The following ARRDC4 variants were observed in gnomAD, a reference collection of about 807,000 sequenced individuals.
ARRDC4 encodes arrestin domain containing 4.
ARRDC4 carries 40 observed loss-of-function variants against 44.6 expected under a neutral mutation model. That is an observed-to-expected ratio of 0.90 (90% CI 0.70 to 1.17). The LOEUF (loss-of-function observed/expected upper bound fraction) is 1.17. Among genes scored for constraint, ARRDC4 ranks in the 50% most tolerant of loss-of-function variants. The pLI is 0.00. For synonymous variants in ARRDC4, 211 were observed against 221.2 expected, an observed-to-expected ratio of 0.95 and a Z score of 0.41; for missense variants, 550 against 559.1, an observed-to-expected ratio of 0.98 and a Z score of 0.16.
At chr15:97,961,266 A>C (rs181944279) in intron 1 of ARRDC4, 98 bp downstream of exon 1, 12 of 1,148,996 alleles carry the variant, frequency 1.0e-5, no homozygotes, top group Non-Finnish European at 1.0e-5. Flanking sequence ...CTGGCAGGTG[A>C]GATCAGGGCG....
Position 97,961,144 on chromosome 15 carries a change from C to A in ARRDC4, c.283C>A (p.Leu95Ile). The A allele has an allele frequency of 6.9e-7, 1 of 1,449,284 alleles. No homozygotes were observed. Among genetic ancestry groups the A allele is most frequent in the Non-Finnish European group, 9.0e-7 (1 of 1,110,800 alleles). The allele number at this position is 1,449,284 out of a possible 1,614,324, so 89.8% of individuals were successfully genotyped here. A position where few individuals can be genotyped will look rare whatever the true frequency, so the allele number is the denominator to read the frequency against. Reference sequence around the variant, plus strand: ...GGAGGTGGAGTACCTGAACGTGCGCCTCAGCCTGCGGGAGCCCCCGGCCGG... The same window carrying A: ...GGAGGTGGAGTACCTGAACGTGCGCATCAGCCTGCGGGAGCCCCCGGCCGG... The part of the protein sequence containing the change: ...FSEVEYLNVR[L>I]SLREPPAGEG... Residue 95 changes from leucine (L) to isoleucine (I), a missense_variant, in exon 1 of 8, where the codon CTC (leucine) becomes ATC (isoleucine). Coordinates refer to ENST00000268042, the MANE Select transcript of ARRDC4 (RefSeq NM_183376.3).
rs1567194711 is a variant in ARRDC4 at position 97,969,971 on chromosome 15, GA to G, written c.974del (p.Asn325ThrfsTer12). The part of the protein sequence containing the change: ...GTIPYNGFGS[R>X]NSSIASQFSM... Reference sequence around the variant, plus strand: ...ATTCCATATAATGGTTTTGGCAGCAGAAACTCCAGCATTGCCAGCCAGTTCA... The same window carrying G: ...ATTCCATATAATGGTTTTGGCAGCAGAACTCCAGCATTGCCAGCCAGTTCA... On this transcript the variant is annotated frameshift_variant, in exon 6 of 8. Coordinates refer to ENST00000268042, the MANE Select transcript of ARRDC4 (RefSeq NM_183376.3). LOFTEE classifies it high-confidence loss of function. 1.2e-6 allele frequency: 2 copies of G among 1,612,812 alleles called. No homozygotes were observed. Among genetic ancestry groups the G allele is most frequent in the Admixed American group, 3.3e-5 (2 of 59,822 alleles).
intron 1 of ARRDC4, among the ~76,000 whole-genome samples, chr15:97,962,029 A>G (rs920648655): frequency 1.3e-5 from 2 of 152,204 alleles, no homozygotes. Flanking sequence ...ACTAAGAACC[A>G]TGAGTCTTAC....
In ARRDC4 at chr15:97,965,541, GAA is replaced by G; in HGVS notation, c.308-56_308-55del. ...TCCTTCAAAAAATTATTTACATTGTGAAAACTCTTGATCTAATACTAACTATC... is the reference window on the plus strand; with the variant it reads ...TCCTTCAAAAAATTATTTACATTGTGAACTCTTGATCTAATACTAACTATC... On this transcript the variant is annotated intron_variant, in intron 1 of 7. Coordinates refer to ENST00000268042, the MANE Select transcript of ARRDC4 (RefSeq NM_183376.3). The surrounding 1 kb of genome is among the most constrained non-coding windows in gnomAD (Gnocchi z 5.1). The G allele has an allele frequency of 7.2e-7, 1 of 1,392,820 alleles. No individual in the cohort carries two copies. Among genetic ancestry groups the G allele is most frequent in the Non-Finnish European group, 1.0e-6 (1 of 987,932 alleles). 86.3% of individuals were successfully genotyped at this position (1,392,820 alleles called of 1,614,324 possible). A position where few individuals can be genotyped will look rare whatever the true frequency, so the allele number is the denominator to read the frequency against.
chr15:97,961,228 G>A, intron 1 of ARRDC4, 60 bp downstream of exon 1: 1 of 1,334,776 alleles, frequency 7.5e-7, no homozygotes, highest in Non-Finnish European at 9.5e-7. Context: ...GGAGGGGCTG[G>A]GAGGCCGCGC....
chr15:97,968,136 G>T lies in ARRDC4; in HGVS notation c.625+20G>T. On this transcript the variant is annotated intron_variant, in intron 4 of 7. Coordinates refer to ENST00000268042, the MANE Select transcript of ARRDC4 (RefSeq NM_183376.3). This position sits in a 1 kb window ranked among gnomAD's most constrained non-coding sequence, Gnocchi z 5.4. ...GTAATGGTAAGCAAAATGCTTGAAAGTCCAAATGAAAGATTTCATTCATTT... is the reference window on the plus strand; with the variant it reads ...GTAATGGTAAGCAAAATGCTTGAAATTCCAAATGAAAGATTTCATTCATTT... The T allele has an allele frequency of 6.9e-7, 1 of 1,443,206 alleles. No homozygotes were observed. The highest frequency in any genetic ancestry group is 9.4e-7 in the Non-Finnish European group (1 of 1,065,830). The allele number at this position is 1,443,206 out of a possible 1,614,324, so 89.4% of individuals were successfully genotyped here. A position where few individuals can be genotyped will look rare whatever the true frequency, so the allele number is the denominator to read the frequency against.
chr15:97,969,856 C>CTTTTTT (rs201375946), intron 5 of ARRDC4, 27 bp from the exon 6 acceptor site: 2 of 1,352,672 alleles, frequency 1.5e-6, no homozygotes, highest in Admixed American at 2.2e-5. Context: ...GTTCCTTTCT[C>CTTTTTT]TTTTTTTTTT....
chr15:97,967,671 A>AAAATAATTC lies in ARRDC4; in HGVS notation c.523-342_523-334dup, dbSNP rs570372301. Among the ~76,000 whole-genome samples, 27 of 152,264 alleles carry AAAATAATTC rather than the reference A, an allele frequency of 1.8e-4. No homozygotes were observed. The highest frequency in any genetic ancestry group is 6.3e-4 in the African/African-American group (26 of 41,554). ...CCTGACTTTTATATATAAAGTCTTA[A>AAAATAATTC]AAATAATTCTGTCATGTTTATAAGT... On this transcript the variant is annotated intron_variant, in intron 3 of 7. Coordinates refer to ENST00000268042, the MANE Select transcript of ARRDC4 (RefSeq NM_183376.3). This position sits in a 1 kb window ranked among gnomAD's most constrained non-coding sequence, Gnocchi z 5.0.
chr15:97,969,202 G>A lies in ARRDC4; in HGVS notation c.705G>A (p.Thr235=), dbSNP rs372953216. ...LIVPKAAIFQ[T]QTYLASGKTK... ...TTCCAAAGGCTGCTATTTTCCAAAC[G>A]CAGACATATTTGGCTAGTGGAAAAA... is the stretch of plus-strand genomic sequence containing the variant. Residue 235 remains threonine (T), a synonymous_variant, in exon 5 of 8, where the codon ACG becomes ACA. Transcript: ENST00000268042. 25 of 1,613,650 alleles carry A rather than the reference G, an allele frequency of 1.5e-5. No individual in the cohort carries two copies. The highest frequency in any genetic ancestry group is 5.3e-5 in the African/African-American group (4 of 74,878).
chr15:97,969,092 T>G (rs113955107), intron 4 of ARRDC4, 31 bp from the exon 5 acceptor site: 1 of 1,605,328 alleles, frequency 6.2e-7, no homozygotes, highest in Non-Finnish European at 8.5e-7. Flanking sequence ...CAAGAGTCTC[T>G]GAATCCTCCC....
At position 97,972,533 on chromosome 15, in the gene ARRDC4, T is replaced by G. The variant is rs1013129132; in HGVS notation, c.*1346T>G. On this transcript the variant is annotated 3_prime_UTR_variant, in exon 8 of 8. Coordinates refer to ENST00000268042, the MANE Select transcript of ARRDC4 (RefSeq NM_183376.3). The surrounding 1 kb of genome is among the most constrained non-coding windows in gnomAD (Gnocchi z 5.3). ...CCAGCCCCCCTCCCACATGGTCACA[T>G]GTTCACTTGCTTTTCCTTCCATCTG... 2 of 152,510 alleles carry G rather than the reference T, an allele frequency of 1.3e-5. No individual in the cohort carries two copies. The highest frequency in any genetic ancestry group is 6.6e-5 in the Admixed American group (1 of 15,250). The allele number at this position is 152,510 out of a possible 1,614,324, so 9.4% of individuals were successfully genotyped here. A position where few individuals can be genotyped will look rare whatever the true frequency, so the allele number is the denominator to read the frequency against.
intron 1 of ARRDC4, among the ~76,000 whole-genome samples, chr15:97,964,971 G>A (rs958161975): frequency 6.6e-6 from 1 of 151,842 alleles, no homozygotes; most frequent in Non-Finnish European, 1.5e-5. Flanking sequence ...ATAATAGAAT[G>A]GGGGTAAGCA....
chr15:97,962,201 C>G (rs970226314), intron 1 of ARRDC4, among the ~76,000 whole-genome samples: 1 of 152,176 alleles, frequency 6.6e-6, no homozygotes, highest in Non-Finnish European at 1.5e-5. Flanking sequence ...TGGTTTTGCC[C>G]TATCCTACTG....
At position 97,968,051 on chromosome 15, in the gene ARRDC4, G is replaced by C. The variant is rs761380895; in HGVS notation, c.560G>C (p.Cys187Ser). The change falls in exon 4 of 8, where the codon TGT (cysteine) becomes TCT (serine). Residue 187 changes from cysteine to serine, a missense_variant. Coordinates refer to ENST00000268042, the MANE Select transcript of ARRDC4 (RefSeq NM_183376.3). The surrounding 1 kb of genome is among the most constrained non-coding windows in gnomAD (Gnocchi z 5.4). ...AAAACTCAAGAGAAAATGGTTGGCT[G>C]TTGGTTTTTCACTTCTGGTCCAGTC... The part of the protein sequence containing the change: ...VLKTQEKMVG[C>S]WFFTSGPVSL... 1 of 1,598,796 alleles carries C rather than the reference G, an allele frequency of 6.3e-7. No homozygotes were observed. Among genetic ancestry groups the C allele is most frequent in the Non-Finnish European group, 8.5e-7 (1 of 1,172,380 alleles).
Position 97,973,730 on chromosome 15 carries a change from T to C in ARRDC4, c.*2543T>C, listed in dbSNP as rs561130623. The C allele has an allele frequency of 3.3e-5, 5 of 152,642 alleles. No individual in the cohort carries two copies. In the East Asian group the frequency reaches 9.7e-4, roughly 29 times the overall value. 9.5% of individuals were successfully genotyped at this position (152,642 alleles called of 1,614,324 possible). ...AGTTAACTATGAAAGCTTTCTTATTTTTATTATTAAAAATGTAACAATTTA... is the reference window on the plus strand; with the variant it reads ...AGTTAACTATGAAAGCTTTCTTATTCTTATTATTAAAAATGTAACAATTTA... On this transcript the variant is annotated 3_prime_UTR_variant, in exon 8 of 8. Coordinates refer to ENST00000268042, the MANE Select transcript of ARRDC4 (RefSeq NM_183376.3).
rs2141535518 is a variant in ARRDC4 at position 97,968,562 on chromosome 15, T to C, written c.625+446T>C. 6.6e-6 allele frequency among the ~76,000 whole-genome samples: 1 copy of C among 152,346 alleles called. No individual in the cohort carries two copies. Among genetic ancestry groups the C allele is most frequent in the African/African-American group, 2.4e-5 (1 of 41,582 alleles). Reference sequence around the variant, plus strand: ...AATCAGATTGTTACTGGAATTGCCATTAGTGAAGGGCCCATTTCCAGCAGT... The same window carrying C: ...AATCAGATTGTTACTGGAATTGCCACTAGTGAAGGGCCCATTTCCAGCAGT... On this transcript the variant is annotated intron_variant, in intron 4 of 7. Transcript: ENST00000268042. The surrounding 1 kb of genome is among the most constrained non-coding windows in gnomAD (Gnocchi z 5.4).
At position 97,965,634 on chromosome 15, in the gene ARRDC4, T is replaced by C; in HGVS notation, c.342T>C (p.His114=). The C allele has an allele frequency of 6.2e-7, 1 of 1,613,704 alleles. No individual in the cohort carries two copies. Among genetic ancestry groups the C allele is most frequent in the Non-Finnish European group, 8.5e-7 (1 of 1,179,638 alleles). ...EGIILLQPGK[H]EFPFRFQLPS... Reference sequence around the variant, plus strand: ...TCATTTTATTACAGCCTGGAAAACATGAATTTCCATTTCGCTTTCAACTTC... The same window carrying C: ...TCATTTTATTACAGCCTGGAAAACACGAATTTCCATTTCGCTTTCAACTTC... Residue 114 remains histidine, a synonymous_variant, in exon 2 of 8, where the codon CAT becomes CAC. Transcript: ENST00000268042. The surrounding 1 kb of genome is among the most constrained non-coding windows in gnomAD (Gnocchi z 5.1).
Position 97,965,217 on chromosome 15 carries a change from G to A in ARRDC4, c.308-383G>A, listed in dbSNP as rs1352420546. ...AGTCCAAGGTGGGAGAATCGTTTGA[G>A]GCCAGGAGTTCGAGACCAGCTTGGG... On this transcript the variant is annotated intron_variant, in intron 1 of 7. Coordinates refer to ENST00000268042, the MANE Select transcript of ARRDC4 (RefSeq NM_183376.3). The surrounding 1 kb of genome is among the most constrained non-coding windows in gnomAD (Gnocchi z 5.1). Among the ~76,000 whole-genome samples, 1 of 152,196 alleles carries A rather than the reference G, an allele frequency of 6.6e-6. No individual in the cohort carries two copies. Among genetic ancestry groups the A allele is most frequent in the Non-Finnish European group, 1.5e-5 (1 of 68,036 alleles).
Position 97,969,362 on chromosome 15 carries a change from G to A in ARRDC4, c.865G>A (p.Val289Met). Residue 289 changes from valine (V) to methionine (M), a missense_variant, in exon 5 of 8, where the codon GTG (valine) becomes ATG (methionine). Transcript: ENST00000268042. ...PSILDCCIIR[V>M]DYSLAVYIHI... ...CATCCTGGATTGCTGCATTATCAGA[G>A]TGGACTATTCCTTAGCTGTAAGCAA... The A allele has an allele frequency of 1.2e-6, 2 of 1,612,474 alleles. No individual in the cohort carries two copies. Among genetic ancestry groups the A allele is most frequent in the Non-Finnish European group, 8.5e-7 (1 of 1,179,626 alleles).
Sources: gnomAD v4.1 joint callset for allele counts (sites outside exome capture counted in the v4.1 genomes callset) on GRCh38, gnomAD v4.1.1 for gene constraint, Gnocchi (gnomAD v3.1) non-coding constraint, MANE v1.5 for transcripts, NCBI Gene and HGNC (gene_info 2026-07-23, HGNC 2026-07-21) for gene names.